Variants in ACSM6 observed in about 807,000 individuals in gnomAD.
The protein encoded by ACSM6 is acyl-coenzyme A synthetase ACSM6, mitochondrial.
A neutral mutation model predicts 51.1 loss-of-function variants in ACSM6; 35 were observed. The observed-to-expected ratio is 0.69, with a 90% confidence interval of 0.52 to 0.91. The LOEUF (loss-of-function observed/expected upper bound fraction) is 0.91, where lower values mean the gene tolerates loss of function less well. Among genes scored for constraint, ACSM6 ranks in the 40% least tolerant of loss-of-function variants. The pLI is 0.00. For synonymous variants in ACSM6, 172 were observed against 207.3 expected, an observed-to-expected ratio of 0.83 and a Z score of 1.46; for missense variants, 509 against 584.1, an observed-to-expected ratio of 0.87 and a Z score of 1.32.
chr10:95,201,269 CCAAA>C (rs2034791856), intron 2 of ACSM6, among the ~76,000 whole-genome samples: 1 of 152,118 alleles, frequency 6.6e-6, no homozygotes, highest in Admixed American at 6.5e-5. Context: ...TACTCATCAC[CCAAA>C]CAGTGACCAT....
At chr10:95,222,025 A>G (rs2034999401) in intron 9 of ACSM6, among the ~76,000 whole-genome samples, 1 of 152,230 alleles carries the variant, frequency 6.6e-6, no homozygotes, top group African/African-American at 2.4e-5. Context: ...AGGAAATGAT[A>G]CACATTCTCA....
In ACSM6 at chr10:95,222,621, C is replaced by CA. The variant is rs1196424902; in HGVS notation, c.1201-2652dup. ...CTGGGTGACACAGCAAGATCTGTCT[C>CA]AAAAAAAAAAAAAAAAAGTCTAACT... On this transcript the variant is annotated intron_variant, in intron 9 of 10. Coordinates refer to ENST00000341686, the Ensembl canonical transcript of ACSM6. Among the ~76,000 whole-genome samples the CA allele has an allele frequency of 6.9e-3, 594 of 85,506 alleles. 10 individuals are homozygous for CA. The highest frequency in any genetic ancestry group is 0.026 in the Admixed American group (211 of 7,996). The allele number at this position is 85,506 out of a possible 152,430, so 56.1% of individuals were successfully genotyped here. A position where few individuals can be genotyped will look rare whatever the true frequency, so the allele number is the denominator to read the frequency against.
At chr10:95,225,507 A>C (rs1236339888) in intron 10 of ACSM6, 116 bp downstream of exon 10, 1 of 704,706 alleles carries the variant, frequency 1.4e-6, no homozygotes, top group East Asian at 3.0e-5. Context: ...TTAATTTTGC[A>C]AATTTTTGAG....
intron 6 of ACSM6, 119 bp downstream of exon 6, chr10:95,212,153 T>C: frequency 7.9e-7 from 1 of 1,258,548 alleles, no homozygotes; most frequent in East Asian, 2.4e-5. Flanking sequence ...GAATGTGATC[T>C]TGACTTGAAG....
At chr10:95,214,873 G>A in exon 8 of ACSM6, 1 of 1,551,564 alleles carries the variant, frequency 6.4e-7, no homozygotes, top group Non-Finnish European at 8.7e-7. Context: ...AGAGTCTGAA[G>A]CAGTGTGTGG....
At position 95,207,113 on chromosome 10, in the gene ACSM6, A is replaced by T. The variant is rs560314280; in HGVS notation, c.404-95A>T. 178 of 1,163,140 alleles carry T rather than the reference A, an allele frequency of 1.5e-4. 4 individuals are homozygous for T. The South Asian group carries it at 2.3e-3, about 15-fold the overall frequency. The allele number at this position is 1,163,140 out of a possible 1,614,324, so 72.1% of individuals were successfully genotyped here. On this transcript the variant is annotated intron_variant, in intron 3 of 10. Coordinates refer to ENST00000341686, the Ensembl canonical transcript of ACSM6. ...AAGAGAGACTCCTAAGAGAGAGGGT[A>T]ACCCAGAGACCTCATCCATGCCTGC...
chr10:95,213,675 C>T (rs765015104), intron 7 of ACSM6, among the ~76,000 whole-genome samples: 16 of 152,192 alleles, frequency 1.1e-4, no homozygotes, highest in Non-Finnish European at 2.4e-4. Context: ...TCATTGCACA[C>T]ACCCCACAAT....
chr10:95,201,098 G>T (rs1564586471), intron 2 of ACSM6, among the ~76,000 whole-genome samples: 1 of 152,216 alleles, frequency 6.6e-6, no homozygotes, highest in South Asian at 2.1e-4. Flanking sequence ...TATATTTGAA[G>T]GCAGGAATAG....
At chr10:95,195,997 C>T (rs1280460672) in intron 2 of ACSM6, among the ~76,000 whole-genome samples, 1 of 38,318 alleles carries the variant, frequency 2.6e-5, no homozygotes, top group Non-Finnish European at 7.7e-5. Context: ...TCTTGGGGTG[C>T]CCTCCCCACC....
At chr10:95,225,433 T>C in intron 10 of ACSM6, 42 bp downstream of exon 10, 2 of 1,292,212 alleles carry the variant, frequency 1.5e-6, no homozygotes, top group African/African-American at 1.5e-5. Context: ...TCATTGTTGC[T>C]ACTAATCGTA....
chr10:95,204,858 TA>T (rs2034827432), intron 3 of ACSM6, among the ~76,000 whole-genome samples: 1 of 152,216 alleles, frequency 6.6e-6, no homozygotes, highest in South Asian at 2.1e-4. Flanking sequence ...ATGAAATTTT[TA>T]AAATTTCATT....
chr10:95,228,620 T>C (rs17452714), intron 10 of ACSM6, 24 bp from the exon 11 acceptor site: 154,247 of 1,546,718 alleles, frequency 0.1, 8,715 homozygotes, highest in Middle Eastern at 0.12. Context: ...TAAATGTAGG[T>C]TTCTGGATTC....
chr10:95,202,084 G>A, exon 3 of ACSM6: 1 of 1,552,046 alleles, frequency 6.4e-7, no homozygotes, highest in South Asian at 1.2e-5. Context: ...CTCCAAGAAG[G>A]CCGCCAGCAT....
At chr10:95,215,906 C>T (rs1254080082) in intron 8 of ACSM6, among the ~76,000 whole-genome samples, 3 of 152,058 alleles carry the variant, frequency 2.0e-5, no homozygotes, top group Non-Finnish European at 4.4e-5. Context: ...TCTTTCCAAG[C>T]TCTTTAGTGT....
chr10:95,199,822 G>A (rs896411183), intron 2 of ACSM6, among the ~76,000 whole-genome samples: 21 of 152,332 alleles, frequency 1.4e-4, no homozygotes, highest in Non-Finnish European at 2.6e-4. Context: ...ACAGCAGTTA[G>A]AATGGTGATC....
At position 95,197,881 on chromosome 10, in the gene ACSM6, A is replaced by G. The variant is rs374444348; in HGVS notation, c.192+3204A>G. Among the ~76,000 whole-genome samples, 885 of 152,142 alleles carry G rather than the reference A, an allele frequency of 5.8e-3. 2 individuals are homozygous for G. The highest frequency in any genetic ancestry group is 7.7e-3 in the Non-Finnish European group (524 of 67,952). The stretch of plus-strand genomic sequence containing the variant: ...ACGATACCCAGCTTTCAAGGGCAGA[A>G]GTCCCTGCGGCTTTCCGCAGTGCAC... On this transcript the variant is annotated intron_variant, in intron 2 of 10. Transcript: ENST00000341686.
chr10:95,195,409 G>A (rs939845898), intron 2 of ACSM6, among the ~76,000 whole-genome samples: 4 of 152,200 alleles, frequency 2.6e-5, no homozygotes, highest in African/African-American at 9.6e-5. Flanking sequence ...GAGTATTCAG[G>A]AACAGTTTGG....
At chr10:95,227,023 G>A (rs1183905307) in intron 10 of ACSM6, among the ~76,000 whole-genome samples, 2 of 148,856 alleles carry the variant, frequency 1.3e-5, no homozygotes, top group African/African-American at 5.0e-5. Context: ...GTCTCACTCA[G>A]TCACCCAGGC....
intron 2 of ACSM6, among the ~76,000 whole-genome samples, chr10:95,198,790 G>A (rs1328407867): frequency 2.6e-5 from 4 of 152,128 alleles, no homozygotes; most frequent in Non-Finnish European, 5.9e-5. Flanking sequence ...TGTTGTTATT[G>A]GTCATGGGAG....
Sources: gnomAD v4.1 joint callset for allele counts (sites outside exome capture counted in the v4.1 genomes callset) on GRCh38, gnomAD v4.1.1 for gene constraint, MANE v1.5 for transcripts, NCBI Gene and HGNC (gene_info 2026-07-23, HGNC 2026-07-21) for gene names.